Variants in ASIC2 observed in about 807,000 individuals in gnomAD.
ASIC2 encodes the protein acid sensing ion channel subunit 2, also known as acid-sensing ion channel 2.
ASIC2 carries 25 observed loss-of-function variants against 57.3 expected under a neutral mutation model. That is an observed-to-expected ratio of 0.44 (90% CI 0.32 to 0.61). The LOEUF is 0.61. Among genes scored for constraint, ASIC2 ranks in the 20% least tolerant of loss-of-function variants. ASIC2 has a pLI of 0.06. For synonymous variants in ASIC2, 319 were observed against 307.5 expected (o/e 1.04, Z -0.39); for missense variants, 641 against 738.1 (o/e 0.87, Z 1.52).
intron 1 of ASIC2, among the ~76,000 whole-genome samples, chr17:33,467,264 T>C (rs114170902): frequency 0.014 from 2,187 of 152,308 alleles, 26 homozygotes; most frequent in African/African-American, 0.026. Context: ...TTTTTAAGTT[T>C]AAAAATATGG....
chr17:33,914,646 A>G (rs1915545902), intron 1 of ASIC2, among the ~76,000 whole-genome samples: 1 of 152,200 alleles, frequency 6.6e-6, no homozygotes, highest in Non-Finnish European at 1.5e-5. Flanking sequence ...AGTTGAGGAC[A>G]CGCAGTGTTG....
chr17:33,017,747 A>G, intron 7 of ASIC2, 63 bp from the exon 8 acceptor site: 1 of 1,482,782 alleles, frequency 6.7e-7, no homozygotes, highest in South Asian at 1.2e-5. Context: ...GGGTGAACAG[A>G]CTGAGATGCA....
chr17:33,220,607 G>A (rs771563509), intron 1 of ASIC2, among the ~76,000 whole-genome samples: 2 of 152,054 alleles, frequency 1.3e-5, no homozygotes, highest in Non-Finnish European at 2.9e-5. Flanking sequence ...ATATAACTGG[G>A]TAGAATTTTT....
intron 1 of ASIC2, among the ~76,000 whole-genome samples, chr17:33,305,280 G>A (rs1261867984): frequency 1.3e-5 from 2 of 152,022 alleles, no homozygotes; most frequent in East Asian, 1.9e-4. Flanking sequence ...CTCTTCCCCC[G>A]GCCTCCTGCA....
At chr17:33,208,898 C>T (rs116711819) in intron 1 of ASIC2, among the ~76,000 whole-genome samples, 44 of 152,180 alleles carry the variant, frequency 2.9e-4, no homozygotes, top group African/African-American at 1.0e-3. Flanking sequence ...TCCATGGTGC[C>T]GACTTGATTC....
At chr17:33,059,849 A>C (rs1011613098) in intron 3 of ASIC2, among the ~76,000 whole-genome samples, 14 of 152,158 alleles carry the variant, frequency 9.2e-5, no homozygotes, top group Non-Finnish European at 2.1e-4. Context: ...AATGATCACC[A>C]TTCTAACTGG....
At chr17:33,923,593 GA>G (rs2141966642) in intron 1 of ASIC2, among the ~76,000 whole-genome samples, 1 of 152,270 alleles carries the variant, frequency 6.6e-6, no homozygotes, top group Admixed American at 6.5e-5. Flanking sequence ...TATTTATAGG[GA>G]AAATGATTTC....
chr17:33,877,314 G>T (rs1157739076), intron 1 of ASIC2, among the ~76,000 whole-genome samples: 1 of 152,194 alleles, frequency 6.6e-6, no homozygotes, highest in Non-Finnish European at 1.5e-5. Context: ...CCAAAGCAGG[G>T]CAAGGCATCG....
At chr17:33,794,172 G>C (rs1911850593) in intron 1 of ASIC2, 1 of 152,178 alleles carries the variant, frequency 6.6e-6, no homozygotes. Context: ...AGTGTCCTGA[G>C]TGACTTTATA....
chr17:33,850,115 G>A (rs1446251399), intron 1 of ASIC2, among the ~76,000 whole-genome samples: 1 of 152,148 alleles, frequency 6.6e-6, no homozygotes, highest in East Asian at 1.9e-4. Flanking sequence ...TTCCATTACT[G>A]TTCTCTTCAG....
chr17:33,643,141 C>T (rs1056514342), intron 1 of ASIC2, among the ~76,000 whole-genome samples: 6 of 63,726 alleles, frequency 9.4e-5, no homozygotes, highest in Non-Finnish European at 1.5e-4. Flanking sequence ...TTCTCACATG[C>T]TCATTTCCCC....
intron 1 of ASIC2, among the ~76,000 whole-genome samples, chr17:33,613,750 A>C (rs1459204726): frequency 6.6e-6 from 1 of 152,088 alleles, no homozygotes; most frequent in Non-Finnish European, 1.5e-5. Context: ...TTTGTCACTT[A>C]ATAAGACAGC....
chr17:33,569,041 T>C (rs1415629866), intron 1 of ASIC2: 1 of 152,218 alleles, frequency 6.6e-6, no homozygotes, highest in Non-Finnish European at 1.5e-5. Context: ...TCAACTCACT[T>C]TGCCTTTCTC....
intron 1 of ASIC2, among the ~76,000 whole-genome samples, chr17:33,402,710 C>T (rs1910326804): frequency 6.6e-6 from 1 of 152,056 alleles, no homozygotes; most frequent in African/African-American, 2.4e-5. Context: ...GAGTTGATTC[C>T]CTGTCTTTGC....
At chr17:33,492,767 T>G (rs1250631922) in intron 1 of ASIC2, among the ~76,000 whole-genome samples, 1 of 152,188 alleles carries the variant, frequency 6.6e-6, no homozygotes, top group Non-Finnish European at 1.5e-5. Context: ...CATGTGACAG[T>G]GAACTACTCC....
intron 1 of ASIC2, among the ~76,000 whole-genome samples, chr17:33,678,776 G>A (rs1453147112): frequency 1.3e-5 from 2 of 152,164 alleles, no homozygotes; most frequent in African/African-American, 2.4e-5. Flanking sequence ...GAGCAAATGA[G>A]AGTGCCCACA....
intron 1 of ASIC2, among the ~76,000 whole-genome samples, chr17:33,364,806 C>T (rs78358931): frequency 0.039 from 5,890 of 152,258 alleles, 161 homozygotes; most frequent in Non-Finnish European, 0.061. Flanking sequence ...ACAGAAGTCA[C>T]GTCAGTTTCC....
chr17:34,133,911 C>T (rs1912061746), intron 1 of ASIC2, among the ~76,000 whole-genome samples: 1 of 152,148 alleles, frequency 6.6e-6, no homozygotes, highest in Admixed American at 6.5e-5. Context: ...TACTGCTAAG[C>T]ATAGTGTAAT....
chr17:33,893,664 G>T (rs1036648524), intron 1 of ASIC2, among the ~76,000 whole-genome samples: 1 of 152,134 alleles, frequency 6.6e-6, no homozygotes, highest in Non-Finnish European at 1.5e-5. Flanking sequence ...TGGTCTCAAA[G>T]GTCCATTCTG....
Sources: gnomAD v4.1 joint callset for allele counts (sites outside exome capture counted in the v4.1 genomes callset) on GRCh38, gnomAD v4.1.1 for gene constraint, MANE v1.5 for transcripts, NCBI Gene and HGNC (gene_info 2026-07-23, HGNC 2026-07-21) for gene names.